LEMD1: variants seen among roughly 807,000 people sequenced by gnomAD.
LEMD1 encodes the protein LEM domain-containing protein 1.
Under a neutral mutation model 17.4 loss-of-function variants are expected in LEMD1, and 18 were observed. That is an observed-to-expected ratio of 1.04 (90% CI 0.72 to 1.54). LEMD1 has a LOEUF of 1.54. Among genes scored for constraint, LEMD1 ranks in the 40% most tolerant of loss-of-function variants. The pLI is 0.00. For synonymous variants in LEMD1, 88 were observed against 77.8 expected (o/e 1.13, Z -0.69); for missense variants, 195 against 210.4 (o/e 0.93, Z 0.45).
intron 4 of LEMD1, among the ~76,000 whole-genome samples, chr1:205,396,229 G>C (rs1196096049): frequency 1.3e-5 from 2 of 152,080 alleles, no homozygotes. Flanking sequence ...TACCCAGGCT[G>C]GTCTTGAACT....
At chr1:205,403,232 G>T (rs1406832585) in intron 4 of LEMD1, among the ~76,000 whole-genome samples, 1 of 152,188 alleles carries the variant, frequency 6.6e-6, no homozygotes, top group Non-Finnish European at 1.5e-5. Context: ...AGTTAGGGAG[G>T]ATTCCCTCTT....
At chr1:205,419,948 G>T (rs1480486624) in intron 2 of LEMD1, among the ~76,000 whole-genome samples, 1 of 151,950 alleles carries the variant, frequency 6.6e-6, no homozygotes, top group East Asian at 1.9e-4. Context: ...TAGTTAACAG[G>T]GTCCACATAC....
intron 4 of LEMD1, among the ~76,000 whole-genome samples, chr1:205,404,260 T>G (rs986945582): frequency 6.6e-6 from 1 of 152,130 alleles, no homozygotes; most frequent in Non-Finnish European, 1.5e-5. Flanking sequence ...GTATCCTTGT[T>G]AACTTTCTGT....
rs1188215877 is a variant in LEMD1 at position 205,429,706 on chromosome 1, G to A, written c.-38-9132C>T. Among the ~76,000 whole-genome samples, 4 of 152,092 alleles carry A rather than the reference G, an allele frequency of 2.6e-5. No individual in the cohort carries two copies. In the East Asian group the frequency reaches 7.7e-4, roughly 29 times the overall value. On this transcript the variant is annotated intron_variant, in intron 1 of 3. Transcript: ENST00000367154. ...GGAAATGACTCCTCTACTCTCCTTA[G>A]CATGCTTTTTAGCTATTATCTGTCC...
intron 3 of LEMD1, among the ~76,000 whole-genome samples, chr1:205,416,553 G>C (rs1665706493): frequency 6.6e-6 from 1 of 152,162 alleles, no homozygotes; most frequent in African/African-American, 2.4e-5. Context: ...CAAGCTGGCT[G>C]CCCATCTGGG....
chr1:205,411,315 C>T (rs1249642134), intron 4 of LEMD1, among the ~76,000 whole-genome samples: 2 of 150,578 alleles, frequency 1.3e-5, no homozygotes, highest in Admixed American at 1.3e-4. Flanking sequence ...CGCCTGTAAT[C>T]CCAGCACTTT....
At chr1:205,447,562 G>A (rs988859123) in intron 1 of LEMD1, among the ~76,000 whole-genome samples, 2 of 152,182 alleles carry the variant, frequency 1.3e-5, no homozygotes, top group African/African-American at 2.4e-5. Context: ...GCTAAAATCA[G>A]GCCGATTTAA....
At chr1:205,395,369 C>T (rs190306480) in intron 4 of LEMD1, among the ~76,000 whole-genome samples, 58 of 151,852 alleles carry the variant, frequency 3.8e-4, no homozygotes, top group East Asian at 1.2e-3. Flanking sequence ...CTGAGGTGGG[C>T]GGATCATCTG....
intron 1 of LEMD1, among the ~76,000 whole-genome samples, chr1:205,444,087 C>T (rs535943733): frequency 6.6e-6 from 1 of 152,156 alleles, no homozygotes; most frequent in African/African-American, 2.4e-5. Context: ...CCTGGGTCCA[C>T]TCCCCACTCA....
chr1:205,440,556 A>G (rs1205567864), intron 1 of LEMD1: 3 of 152,264 alleles, frequency 2.0e-5, no homozygotes, highest in Non-Finnish European at 4.4e-5. Context: ...AAGGCGGCAC[A>G]TGCCTCATGC....
At chr1:205,428,743 C>CAAA in intron 1 of LEMD1, among the ~76,000 whole-genome samples, 1 of 152,160 alleles carries the variant, frequency 6.6e-6, no homozygotes, top group Non-Finnish European at 1.5e-5. Flanking sequence ...AGCAAAGTGA[C>CAAA]AAAAGATGCT....
chr1:205,416,766 A>G (rs1224921160), intron 3 of LEMD1, among the ~76,000 whole-genome samples: 1 of 152,238 alleles, frequency 6.6e-6, no homozygotes, highest in African/African-American at 2.4e-5. Flanking sequence ...TAGCCTGCAA[A>G]GAAGCATTTT....
At chr1:205,440,590 G>A (rs989281321) in intron 1 of LEMD1, 2 of 152,278 alleles carry the variant, frequency 1.3e-5, no homozygotes, top group African/African-American at 4.8e-5. Flanking sequence ...AGAGTCCCCC[G>A]AAGCTCTCAG....
intron 1 of LEMD1, among the ~76,000 whole-genome samples, chr1:205,430,154 T>C (rs1159420247): frequency 6.6e-6 from 1 of 152,236 alleles, no homozygotes; most frequent in Non-Finnish European, 1.5e-5. Context: ...CTCCTCACTT[T>C]GCAGAGAAAA....
Position 205,441,363 on chromosome 1 carries a change from C to G in LEMD1, c.-39+8505G>C, listed in dbSNP as rs984145843. Among the ~76,000 whole-genome samples, 1 of 152,184 alleles carries G rather than the reference C, an allele frequency of 6.6e-6. No individual in the cohort carries two copies. The highest frequency in any genetic ancestry group is 1.9e-4 in the East Asian group (1 of 5,194). On this transcript the variant is annotated intron_variant, in intron 1 of 3. Transcript: ENST00000367154. This position sits in a 1 kb window ranked among gnomAD's most constrained non-coding sequence, Gnocchi z 4.3. ...CTGCCTCCTTTTTTCCCCTCCCACCCGCTCTGCCCCACCTCATCACCATAT... is the reference window on the plus strand; with the variant it reads ...CTGCCTCCTTTTTTCCCCTCCCACCGGCTCTGCCCCACCTCATCACCATAT...
intron 1 of LEMD1, 26 bp from the exon 2 acceptor site, chr1:205,420,600 A>C: frequency 8.2e-7 from 1 of 1,224,054 alleles, no homozygotes; most frequent in Non-Finnish European, 1.2e-6. Flanking sequence ...CATTAAATTC[A>C]TTAAGACAGC....
intron 1 of LEMD1, chr1:205,437,418 G>C (rs1666228151): frequency 1.3e-5 from 2 of 152,314 alleles, no homozygotes; most frequent in Non-Finnish European, 2.9e-5. Context: ...TCAGAGTCTA[G>C]GCCAACTGAC....
chr1:205,417,905 G>A (rs531793274), intron 3 of LEMD1, among the ~76,000 whole-genome samples: 3 of 151,940 alleles, frequency 2.0e-5, no homozygotes, highest in African/African-American at 7.2e-5. Context: ...GGTATGGAGT[G>A]GAAAGAGCAA....
rs1666445680 is a variant in LEMD1, at chr1:205,448,703, C to T, written c.-39+1165G>A. Among the ~76,000 whole-genome samples, 1 of 152,154 alleles carries T rather than the reference C, an allele frequency of 6.6e-6. No homozygotes were observed. The highest frequency in any genetic ancestry group is 1.5e-5 in the Non-Finnish European group (1 of 68,022). On this transcript the variant is annotated intron_variant, in intron 1 of 3. Transcript: ENST00000367154. This position sits in a 1 kb window ranked among gnomAD's most constrained non-coding sequence, Gnocchi z 4.7. Reference sequence around the variant, plus strand: ...ATTCCCTTAATTAGCTTCCAGCCCCCTGCCCAGGGTCCTTAACTACCCCTT... The same window carrying T: ...ATTCCCTTAATTAGCTTCCAGCCCCTTGCCCAGGGTCCTTAACTACCCCTT...
Sources: gnomAD v4.1 joint callset for allele counts (sites outside exome capture counted in the v4.1 genomes callset) on GRCh38, gnomAD v4.1.1 for gene constraint, Gnocchi (gnomAD v3.1) non-coding constraint, MANE v1.5 for transcripts, NCBI Gene and HGNC (gene_info 2026-07-23, HGNC 2026-07-21) for gene names.